The following RAD52 variants were observed in gnomAD, a reference collection of about 807,000 sequenced individuals.
The protein encoded by RAD52 is RAD52 DNA repair protein.
RAD52 carries 47 observed loss-of-function variants against 55.5 expected under a neutral mutation model. The observed-to-expected ratio is 0.85, with a 90% CI of 0.67 to 1.08. The LOEUF (loss-of-function observed/expected upper bound fraction) is 1.08, where lower values mean the gene tolerates loss of function less well. Among genes scored for constraint, RAD52 ranks in the 50% least tolerant of loss-of-function variants. RAD52 has a pLI of 0.00. For synonymous variants in RAD52, 184 were observed against 198.9 expected, an observed-to-expected ratio of 0.92 and a Z score of 0.63; for missense variants, 468 against 522.8, an observed-to-expected ratio of 0.90 and a Z score of 1.02.
upstream of RAD52, chr12:990,514 A>G (rs1202168061): frequency 6.6e-6 from 1 of 152,352 alleles, no homozygotes; most frequent in South Asian, 2.1e-4. Context: ...GCAGGGTCGG[A>G]ACGTGGACAC....
At chr12:940,937 GA>G (rs1267603353) in intron 1 of RAD52, among the ~76,000 whole-genome samples, 5 of 152,024 alleles carry the variant, frequency 3.3e-5, no homozygotes, top group Non-Finnish European at 5.9e-5. Flanking sequence ...ACATACAATT[GA>G]AGTGAAATTG....
intron 7 of RAD52, among the ~76,000 whole-genome samples, chr12:924,360 A>G (rs1174904538): frequency 1.3e-5 from 2 of 152,204 alleles, no homozygotes; most frequent in South Asian, 2.1e-4. Flanking sequence ...CAGTGAGCCA[A>G]GATCACACCA....
rs369168303 is a variant in RAD52 at position 927,303 on chromosome 12, G to A, written c.349-40C>T. ...GGAGTTTGAACTCAAACACGAGAGCGGCAGGCGTGCCACAACTCCCCTGTT... is the reference window on the plus strand; with the variant it reads ...GGAGTTTGAACTCAAACACGAGAGCAGCAGGCGTGCCACAACTCCCCTGTT... On this transcript the variant is annotated intron_variant, in intron 5 of 11. Coordinates refer to ENST00000358495, the MANE Select transcript of RAD52 (RefSeq NM_134424.4). The A allele has an allele frequency of 3.9e-4, 560 of 1,446,004 alleles. 7 individuals carry two copies. In the Middle Eastern group the frequency reaches 6.2e-3, roughly 16 times the overall value. 89.6% of individuals were successfully genotyped at this position (1,446,004 alleles called of 1,614,324 possible). A position where few individuals can be genotyped will look rare whatever the true frequency, so the allele number is the denominator to read the frequency against.
intron 4 of RAD52, 66 bp from the exon 5 acceptor site, chr12:929,952 C>T: frequency 6.4e-7 from 1 of 1,571,042 alleles, no homozygotes; most frequent in Non-Finnish European, 8.8e-7. Context: ...ATTCCTCCTG[C>T]TGGCAGCTGA....
At chr12:922,191 T>TAAAAAAAAAAAAAAAAAAAAAA (rs79763100) in intron 7 of RAD52, among the ~76,000 whole-genome samples, 1 of 81,694 alleles carries the variant, frequency 1.2e-5, no homozygotes, top group Non-Finnish European at 2.2e-5. Flanking sequence ...TAGGTTGGCT[T>TAAAAAAAAAAAAAAAAAAAAAA]AAAAAAAAAA....
At chr12:920,864 A>G (rs1160100366) in intron 7 of RAD52, among the ~76,000 whole-genome samples, 2 of 152,234 alleles carry the variant, frequency 1.3e-5, no homozygotes, top group African/African-American at 2.4e-5. Flanking sequence ...TCAAGTACAC[A>G]TGGAACATTC....
chr12:965,962 G>A (rs574604587), intron 1 of RAD52, among the ~76,000 whole-genome samples: 3 of 152,092 alleles, frequency 2.0e-5, no homozygotes, highest in Admixed American at 1.3e-4. Context: ...GGGATTACAG[G>A]CATGAACCAC....
rs146723042 is a variant in RAD52, at chr12:933,916, G to C, written c.-18-840C>G. Among the ~76,000 whole-genome samples, 333 of 152,090 alleles carry C rather than the reference G, an allele frequency of 2.2e-3. 1 individual carries two copies. The highest frequency in any genetic ancestry group is 7.4e-3 in the African/African-American group (308 of 41,524). ...GCAGAAGGACTGCTTGAGCCCAGGA[G>C]TTTGAGACTAGCCTAGACAACAAAA... is the stretch of plus-strand genomic sequence containing the variant. On this transcript the variant is annotated intron_variant, in intron 1 of 11. Coordinates refer to ENST00000358495, the MANE Select transcript of RAD52 (RefSeq NM_134424.4).
At chr12:972,732 C>T (rs900572878) in intron 1 of RAD52, among the ~76,000 whole-genome samples, 32 of 144,766 alleles carry the variant, frequency 2.2e-4, no homozygotes, top group Non-Finnish European at 3.6e-4. Context: ...CACCACTGCA[C>T]TCCAGCCTGG....
chr12:962,498 C>A (rs951450140), intron 1 of RAD52, among the ~76,000 whole-genome samples: 1 of 151,310 alleles, frequency 6.6e-6, no homozygotes, highest in Non-Finnish European at 1.5e-5. Context: ...CGCCACCACG[C>A]CTGGCTAATT....
chr12:924,947 ATTT>A (rs10708242), intron 7 of RAD52, among the ~76,000 whole-genome samples: 40 of 105,566 alleles, frequency 3.8e-4, no homozygotes, highest in East Asian at 5.7e-4. Flanking sequence ...AAATGGTGTG[ATTT>A]TTTTTTTTTT....
intron 1 of RAD52, among the ~76,000 whole-genome samples, chr12:978,125 A>G (rs1958958198): frequency 1.3e-5 from 2 of 152,202 alleles, no homozygotes; most frequent in African/African-American, 4.8e-5. Context: ...TGTTTCTTCA[A>G]TCCCTTTGAG....
intron 1 of RAD52, among the ~76,000 whole-genome samples, chr12:962,121 A>G (rs1958694413): frequency 6.7e-6 from 1 of 150,054 alleles, no homozygotes; most frequent in African/African-American, 2.4e-5. Flanking sequence ...ACAGTATTTT[A>G]CTCCAGAAGC....
At chr12:925,994 T>G (rs1156817807) in intron 6 of RAD52, among the ~76,000 whole-genome samples, 6 of 152,124 alleles carry the variant, frequency 3.9e-5, no homozygotes, top group African/African-American at 1.4e-4. Flanking sequence ...TTTTTCTGGT[T>G]CAATTCACTT....
At chr12:923,293 G>A (rs578162719) in intron 7 of RAD52, among the ~76,000 whole-genome samples, 33 of 151,840 alleles carry the variant, frequency 2.2e-4, no homozygotes, top group African/African-American at 7.5e-4. Flanking sequence ...CAATCCCAGC[G>A]CTTTGGGAGG....
intron 1 of RAD52, among the ~76,000 whole-genome samples, chr12:944,213 C>CA (rs1018100281): frequency 9.4e-5 from 14 of 148,684 alleles, no homozygotes; most frequent in Middle Eastern, 3.6e-3. Flanking sequence ...GAGACTGTCT[C>CA]AAAAAAAAAG....
At chr12:977,450 T>TC (rs1444224949) in intron 1 of RAD52, among the ~76,000 whole-genome samples, 1 of 152,148 alleles carries the variant, frequency 6.6e-6, no homozygotes, top group Non-Finnish European at 1.5e-5. Context: ...CTGAGGAAGG[T>TC]CAAACTCCAC....
chr12:931,385 ATCCTT>A, intron 2 of RAD52, 64 bp from the exon 3 acceptor site: 29 of 1,241,372 alleles, frequency 2.3e-5, no homozygotes, highest in Non-Finnish European at 2.9e-5. Context: ...TTGAGTCTCC[ATCCTT>A]TATGGAGACT....
chr12:979,560 CGT>C lies in RAD52; in HGVS notation c.-19+10247_-19+10248del, dbSNP rs754442641. 4.1e-3 allele frequency among the ~76,000 whole-genome samples: 623 copies of C among 150,788 alleles called. 9 individuals carry two copies. Among genetic ancestry groups the C allele is most frequent in the African/African-American group, 0.014 (585 of 41,190 alleles). ...TGCCGTCTCTCTCTCTCTCTCTGTG[CGT>C]GTGTGTGTGTGTGTGCATACACAGA... On this transcript the variant is annotated intron_variant, in intron 1 of 11. Coordinates refer to the RAD52 transcript ENST00000430095.
Sources: allele counts gnomAD v4.1 joint callset (sites outside exome capture counted in the v4.1 genomes callset), GRCh38; gene constraint gnomAD v4.1.1; transcripts MANE v1.5; gene names NCBI Gene and HGNC (gene_info 2026-07-23, HGNC 2026-07-21).